Variants in CNTN4 observed in about 807,000 individuals in gnomAD.
The protein encoded by CNTN4 is contactin-4.
In CNTN4, 77 loss-of-function variants were observed where a neutral mutation model predicts 122.5. The observed-to-expected ratio is 0.63, with a 90% CI of 0.52 to 0.76. The LOEUF (loss-of-function observed/expected upper bound fraction) is 0.76, where lower values mean the gene tolerates loss of function less well. CNTN4 is among the 30% of genes least tolerant of loss of function. CNTN4 has a pLI of 0.00. For missense variants in CNTN4, 1,256 were observed against 1,259.1 expected, an observed-to-expected ratio of 1.00 and a Z score of 0.04; for synonymous variants, 512 against 447.0, an observed-to-expected ratio of 1.15 and a Z score of -1.83.
chr3:3,054,960 A>C (rs1429139311), intron 24 of CNTN4, among the ~76,000 whole-genome samples: 5 of 152,168 alleles, frequency 3.3e-5, no homozygotes, highest in African/African-American at 4.8e-5. Flanking sequence ...TGGAGGTATA[A>C]ATTTTCAAGA....
chr3:2,241,409 C>T (rs2039934165), intron 2 of CNTN4, among the ~76,000 whole-genome samples: 1 of 152,120 alleles, frequency 6.6e-6, no homozygotes, highest in Non-Finnish European at 1.5e-5. Context: ...TGTCCCTTAT[C>T]CTCCTGCTAC....
intron 3 of CNTN4, among the ~76,000 whole-genome samples, chr3:2,368,773 A>T (rs75533829): frequency 0.073 from 11,148 of 152,258 alleles, 961 homozygotes; most frequent in East Asian, 0.5. Context: ...AAGCAAGAAA[A>T]TAAGTTTTCT....
At chr3:2,450,169 C>G (rs536057051) in intron 3 of CNTN4, among the ~76,000 whole-genome samples, 1 of 152,080 alleles carries the variant, frequency 6.6e-6, no homozygotes, top group Non-Finnish European at 1.5e-5. Context: ...GAATTTGAGA[C>G]CCTCCTGGCA....
At chr3:2,352,954 A>G (rs984801625) in intron 3 of CNTN4, among the ~76,000 whole-genome samples, 7 of 151,986 alleles carry the variant, frequency 4.6e-5, no homozygotes, top group African/African-American at 1.7e-4. Context: ...GTGTCTAGCT[A>G]ATCTAGTGGA....
chr3:2,988,793 A>G, intron 14 of CNTN4: 1 of 315,956 alleles, frequency 3.2e-6, no homozygotes, highest in African/African-American at 2.1e-5. Flanking sequence ...TTTGAAATTC[A>G]TGTCTAGGAA....
chr3:2,991,267 A>G (rs1020068586), intron 14 of CNTN4, among the ~76,000 whole-genome samples: 1 of 152,142 alleles, frequency 6.6e-6, no homozygotes, highest in African/African-American at 2.4e-5. Context: ...GCCCAGTACA[A>G]AAAGAGGAAG....
At chr3:3,016,512 A>G (rs1697768205) in intron 14 of CNTN4, among the ~76,000 whole-genome samples, 1 of 152,204 alleles carries the variant, frequency 6.6e-6, no homozygotes, top group Non-Finnish European at 1.5e-5. Flanking sequence ...AAAAACAAAC[A>G]AGTTGACGGT....
chr3:2,244,285 G>C (rs759278723), intron 2 of CNTN4, among the ~76,000 whole-genome samples: 9 of 151,864 alleles, frequency 5.9e-5, no homozygotes, highest in Non-Finnish European at 1.0e-4. Flanking sequence ...TTATTATACT[G>C]TACTCACCTA....
At chr3:2,785,895 G>GCCCCCCCCCCCCCCCCCCCCCCCCCTCC (rs149802098) in intron 6 of CNTN4, among the ~76,000 whole-genome samples, 1 of 81,668 alleles carries the variant, frequency 1.2e-5, no homozygotes, top group Non-Finnish European at 2.5e-5. Context: ...GGCCCACGCT[G>GCCCCCCCCCCCCCCCCCCCCCCCCCTCC]CCCCCCCCCG....
chr3:2,490,789 A>G (rs1369504762), intron 3 of CNTN4, among the ~76,000 whole-genome samples: 3 of 152,142 alleles, frequency 2.0e-5, no homozygotes, highest in African/African-American at 7.2e-5. Flanking sequence ...CCCACCCTTT[A>G]TTTTCTCATT....
At chr3:2,817,052 C>A (rs2092752551) in intron 6 of CNTN4, among the ~76,000 whole-genome samples, 1 of 152,080 alleles carries the variant, frequency 6.6e-6, no homozygotes, top group Non-Finnish European at 1.5e-5. Flanking sequence ...GATATTCATA[C>A]CTGAAAAGAA....
intron 4 of CNTN4, among the ~76,000 whole-genome samples, chr3:2,711,160 G>T (rs114078585): frequency 6.6e-6 from 1 of 152,144 alleles, no homozygotes; most frequent in Admixed American, 6.5e-5. Context: ...CACAGCAAGA[G>T]GGTCACAAAC....
chr3:2,586,271 T>TTTG (rs756797184), intron 4 of CNTN4, among the ~76,000 whole-genome samples: 1 of 152,096 alleles, frequency 6.6e-6, no homozygotes, highest in Admixed American at 6.5e-5. Flanking sequence ...GTTGTTGTTG[T>TTTG]TTGTTGTTGT....
intron 14 of CNTN4, among the ~76,000 whole-genome samples, chr3:3,009,397 A>G (rs1696960210): frequency 6.6e-6 from 1 of 152,056 alleles, no homozygotes; most frequent in Admixed American, 6.6e-5. Flanking sequence ...GCTACTGTCA[A>G]TTCAATATCT....
intron 14 of CNTN4, among the ~76,000 whole-genome samples, chr3:3,023,121 A>G (rs1574849881): frequency 6.6e-6 from 1 of 152,202 alleles, no homozygotes. Context: ...TCAAGTAAAA[A>G]ACATCAAAAT....
At chr3:2,771,136 T>A (rs1489665095) in intron 6 of CNTN4, among the ~76,000 whole-genome samples, 1 of 152,132 alleles carries the variant, frequency 6.6e-6, no homozygotes, top group South Asian at 2.1e-4. Flanking sequence ...CCCTCAGAAT[T>A]CTCTTAAGTT....
chr3:2,646,121 A>G (rs764001872), intron 4 of CNTN4, among the ~76,000 whole-genome samples: 3 of 152,204 alleles, frequency 2.0e-5, no homozygotes, highest in Non-Finnish European at 4.4e-5. Flanking sequence ...AAACCAAAAG[A>G]GAAAAATATG....
intron 3 of CNTN4, among the ~76,000 whole-genome samples, chr3:2,425,219 C>A (rs1161524203): frequency 6.6e-6 from 1 of 152,178 alleles, no homozygotes; most frequent in Non-Finnish European, 1.5e-5. Context: ...ACATTTAAGT[C>A]TTTAATCCAT....
intron 10 of CNTN4, among the ~76,000 whole-genome samples, chr3:2,892,773 A>G (rs2094058354): frequency 6.6e-6 from 1 of 152,256 alleles, no homozygotes; most frequent in African/African-American, 2.4e-5. Flanking sequence ...ATATTTGAGC[A>G]GTAAACAAGG....
Sources: allele counts gnomAD v4.1 joint callset (sites outside exome capture counted in the v4.1 genomes callset), GRCh38; gene constraint gnomAD v4.1.1; transcripts MANE v1.5; gene names NCBI Gene and HGNC (gene_info 2026-07-23, HGNC 2026-07-21).